The following SIM1 variants were observed in gnomAD, a reference collection of about 807,000 sequenced individuals.
The protein encoded by SIM1 is SIM bHLH transcription factor 1.
SIM1 carries 18 observed loss-of-function variants against 78.2 expected under a neutral mutation model. The ratio of observed to expected loss-of-function variants is 0.23; its 90% CI spans 0.16 to 0.34. The LOEUF (loss-of-function observed/expected upper bound fraction) is 0.34. Among genes scored for constraint, SIM1 ranks in the 10% least tolerant of loss-of-function variants. SIM1 has a pLI of 1.00. For missense variants in SIM1, 939 were observed against 975.1 expected (o/e 0.96, Z 0.49); for synonymous variants, 417 against 385.2 (o/e 1.08, Z -0.97).
chr6:100,449,898 TA>T (rs1772465770), intron 4 of SIM1, among the ~76,000 whole-genome samples, 199 bp from the exon 5 acceptor site: 1 of 152,052 alleles, frequency 6.6e-6, no homozygotes, highest in Non-Finnish European at 1.5e-5. Context: ...TATATAATAA[TA>T]AAAATAGCAG....
chr6:100,391,557 T>C (rs910371503), intron 11 of SIM1, among the ~76,000 whole-genome samples: 6 of 152,214 alleles, frequency 3.9e-5, no homozygotes, highest in African/African-American at 1.4e-4. Flanking sequence ...GGCTGAACTA[T>C]TCTCTCACTT....
chr6:100,404,862 T>C (rs867998344), intron 10 of SIM1, among the ~76,000 whole-genome samples: 2 of 152,236 alleles, frequency 1.3e-5, no homozygotes, highest in African/African-American at 2.4e-5. Flanking sequence ...GAGAGGCTGA[T>C]GGAAACTATG....
At chr6:100,397,275 G>A (rs1220784494) in intron 10 of SIM1, among the ~76,000 whole-genome samples, 1 of 152,154 alleles carries the variant, frequency 6.6e-6, no homozygotes. Flanking sequence ...ATCTGGATCT[G>A]TCCACATATT....
chr6:100,431,393 C>T (rs1046761533), intron 9 of SIM1, among the ~76,000 whole-genome samples: 2 of 152,092 alleles, frequency 1.3e-5, no homozygotes, highest in African/African-American at 2.4e-5. Flanking sequence ...TACTGTAATG[C>T]TTGGCTAAAT....
In SIM1 at chr6:100,453,636, T is replaced by C. The variant is rs1772569960; in HGVS notation, c.258+126A>G. On this transcript the variant is annotated intron_variant, in intron 3 of 11. Transcript: ENST00000369208. The stretch of plus-strand genomic sequence containing the variant: ...GAGGGCCACGTGCAGTCCGGATCCC[T>C]GTTTTTGTGGGGGGGGTTGTTTGTT... 1.1e-5 allele frequency: 8 copies of C among 732,920 alleles called. No individual in the cohort carries two copies. The South Asian group carries it at 1.2e-4, about 11-fold the overall frequency. The allele number at this position is 732,920 out of a possible 1,614,324, so 45.4% of individuals were successfully genotyped here.
chr6:100,455,480 TCTC>T (rs1385274665), intron 2 of SIM1, among the ~76,000 whole-genome samples: 1 of 152,110 alleles, frequency 6.6e-6, no homozygotes, highest in Non-Finnish European at 1.5e-5. Context: ...GCCAACCTAT[TCTC>T]CTTCGTTTCT....
intron 3 of SIM1, among the ~76,000 whole-genome samples, chr6:100,450,767 A>G (rs1772496368): frequency 6.6e-6 from 1 of 150,460 alleles, no homozygotes; most frequent in African/African-American, 2.4e-5. Flanking sequence ...TATGTGTTCT[A>G]TAATGGAAGG....
intron 10 of SIM1, among the ~76,000 whole-genome samples, chr6:100,419,167 A>G (rs1051052751): frequency 2.0e-5 from 3 of 152,198 alleles, no homozygotes; most frequent in African/African-American, 7.2e-5. Context: ...CTCCATCTCA[A>G]AAAAGAAGAA....
At chr6:100,409,090 T>C (rs1408282273) in intron 10 of SIM1, among the ~76,000 whole-genome samples, 2 of 152,176 alleles carry the variant, frequency 1.3e-5, no homozygotes, top group South Asian at 4.1e-4. Flanking sequence ...TTACACATTA[T>C]TGATGTGTTC....
At chr6:100,454,158 G>A (rs1369586672) in intron 2 of SIM1, among the ~76,000 whole-genome samples, 1 of 152,174 alleles carries the variant, frequency 6.6e-6, no homozygotes, top group African/African-American at 2.4e-5. Context: ...CTTTCATGTA[G>A]GTTCACCAGT....
At chr6:100,391,162 C>A in intron 11 of SIM1, 71 bp from the exon 12 acceptor site, 1 of 1,452,348 alleles carries the variant, frequency 6.9e-7, no homozygotes, top group South Asian at 1.5e-5. Flanking sequence ...TTTCCTTTAC[C>A]TATTAAAATA....
intron 9 of SIM1, among the ~76,000 whole-genome samples, chr6:100,432,363 A>G (rs1463706600): frequency 6.6e-6 from 1 of 152,120 alleles, no homozygotes; most frequent in African/African-American, 2.4e-5. Flanking sequence ...TTAACAAGCT[A>G]CTGGGTGGTG....
chr6:100,447,250 T>C lies in SIM1; in HGVS notation c.998+18A>G, dbSNP rs1772380760. 1 of 1,611,912 alleles carries C rather than the reference T, an allele frequency of 6.2e-7. No homozygotes were observed. Among genetic ancestry groups the C allele is most frequent in the African/African-American group, 1.3e-5 (1 of 74,818 alleles). The stretch of plus-strand genomic sequence containing the variant: ...GGGTCGCCTGGGGTGGGTGAAGGGG[T>C]CTCAGTCTTGCACTCACGTGAGGAC... On this transcript the variant is annotated intron_variant, in intron 9 of 11. Transcript: ENST00000369208.
intron 10 of SIM1, among the ~76,000 whole-genome samples, chr6:100,412,785 G>A (rs538125423): frequency 6.6e-6 from 1 of 152,102 alleles, no homozygotes; most frequent in African/African-American, 2.4e-5. Context: ...GAGAAAGAGA[G>A]AACGAAGGAA....
At chr6:100,405,933 G>A (rs866383628) in intron 10 of SIM1, among the ~76,000 whole-genome samples, 21 of 152,278 alleles carry the variant, frequency 1.4e-4, no homozygotes, top group Non-Finnish European at 2.4e-4. Context: ...GGAGAGAGTC[G>A]TTCCCAAACC....
At chr6:100,449,523 A>T in intron 5 of SIM1, 68 bp downstream of exon 5, 6 of 1,582,728 alleles carry the variant, frequency 3.8e-6, no homozygotes, top group Non-Finnish European at 5.2e-6. Flanking sequence ...CTCTGCCACG[A>T]CTAATTGGGG....
intron 6 of SIM1, among the ~76,000 whole-genome samples, chr6:100,449,038 G>T (rs147823322): frequency 6.6e-6 from 1 of 152,318 alleles, no homozygotes; most frequent in Non-Finnish European, 1.5e-5. Context: ...GTAACGCTAT[G>T]CATAAACTCT....
rs369312378 is a variant in SIM1, at chr6:100,419,023, C to T, written c.1167+1767G>A. ...CTCTACTAAAAATACAAAAATTAGACGGGCGTGGTGGCAGTGCCTGTAATC... is the reference window on the plus strand; with the variant it reads ...CTCTACTAAAAATACAAAAATTAGATGGGCGTGGTGGCAGTGCCTGTAATC... On this transcript the variant is annotated intron_variant, in intron 10 of 11. Coordinates refer to ENST00000369208, the MANE Select transcript of SIM1 (RefSeq NM_005068.3). Among the ~76,000 whole-genome samples, 12 of 152,028 alleles carry T rather than the reference C, an allele frequency of 7.9e-5. No homozygotes were observed. In the East Asian group the frequency reaches 1.5e-3, roughly 20 times the overall value.
At chr6:100,414,537 A>G (rs977936779) in intron 10 of SIM1, among the ~76,000 whole-genome samples, 5 of 152,250 alleles carry the variant, frequency 3.3e-5, no homozygotes, top group Middle Eastern at 3.2e-3. Flanking sequence ...GGAGAGGAAG[A>G]CTAATCTCAA....
Sources: allele counts gnomAD v4.1 joint callset (sites outside exome capture counted in the v4.1 genomes callset), GRCh38; gene constraint gnomAD v4.1.1; transcripts MANE v1.5; gene names NCBI Gene and HGNC (gene_info 2026-07-23, HGNC 2026-07-21).